Variants in TNRC6B observed in about 807,000 individuals in gnomAD.
TNRC6B encodes trinucleotide repeat-containing gene 6B protein.
Under a neutral mutation model 203.6 loss-of-function variants are expected in TNRC6B, and 52 were observed. The ratio of observed to expected loss-of-function variants is 0.26; its 90% CI spans 0.20 to 0.32. The LOEUF (loss-of-function observed/expected upper bound fraction) is 0.32. Ranked by LOEUF, TNRC6B falls within the 10% of genes least tolerant of loss-of-function variation. The pLI, the probability that TNRC6B is intolerant of heterozygous loss-of-function variation, is 1.00. For missense variants in TNRC6B, 1,923 were observed against 2,286.2 expected (o/e 0.84, Z 3.24); for synonymous variants, 838 against 845.7 (o/e 0.99, Z 0.16).
chr22:40,161,006 TGTAGGAGC>T (rs1019016015), intron 4 of TNRC6B, among the ~76,000 whole-genome samples: 3 of 152,186 alleles, frequency 2.0e-5, no homozygotes, highest in African/African-American at 7.2e-5. Context: ...TTTATAGCTT[TGTAGGAGC>T]CCTTTATACA....
At chr22:40,127,994 C>G (rs962454502) in intron 3 of TNRC6B, among the ~76,000 whole-genome samples, 1 of 152,202 alleles carries the variant, frequency 6.6e-6, no homozygotes, top group Non-Finnish European at 1.5e-5. Context: ...GTGCCATAAA[C>G]TCAGTTTTCA....
chr22:40,303,001 GGT>G (rs928396873), intron 15 of TNRC6B, among the ~76,000 whole-genome samples: 70 of 151,400 alleles, frequency 4.6e-4, no homozygotes, highest in African/African-American at 1.7e-3. Context: ...TACTAACAAA[GGT>G]GTCCTTATGC....
chr22:40,203,518 A>G (rs768445187), intron 1 of TNRC6B, among the ~76,000 whole-genome samples: 1 of 152,134 alleles, frequency 6.6e-6, no homozygotes, highest in Non-Finnish European at 1.5e-5. Context: ...GGAAAACTGA[A>G]GAAGGTAAAA....
In TNRC6B at chr22:40,330,494, T is replaced by A. The variant is rs1244568317; in HGVS notation, c.*7253T>A. ...ACATCCTATGTGTGTTCGCCAAAAA[T>A]GGGAAAGGTGGGTATTTAGGCAAAA... On this transcript the variant is annotated 3_prime_UTR_variant, in exon 23 of 23. Transcript: ENST00000454349. The A allele has an allele frequency of 1.3e-5, 2 of 152,296 alleles. No homozygotes were observed. Among genetic ancestry groups the A allele is most frequent in the Non-Finnish European group, 2.9e-5 (2 of 68,034 alleles). 9.4% of individuals were successfully genotyped at this position (152,296 alleles called of 1,614,324 possible). A position where few individuals can be genotyped will look rare whatever the true frequency, so the allele number is the denominator to read the frequency against.
At chr22:40,307,793 G>A (rs1249884038) in intron 15 of TNRC6B, among the ~76,000 whole-genome samples, 2 of 152,058 alleles carry the variant, frequency 1.3e-5, no homozygotes, top group Non-Finnish European at 1.5e-5. Flanking sequence ...CCCACACTCA[G>A]GCTGCCAATT....
At chr22:40,242,140 G>T (rs2070036859) in intron 1 of TNRC6B, among the ~76,000 whole-genome samples, 1 of 151,920 alleles carries the variant, frequency 6.6e-6, no homozygotes, top group Non-Finnish European at 1.5e-5. Flanking sequence ...GATATTGCTT[G>T]TTCTCCAGCC....
intron 1 of TNRC6B, among the ~76,000 whole-genome samples, chr22:40,201,736 A>G (rs1231958030): frequency 6.6e-6 from 1 of 151,996 alleles, no homozygotes; most frequent in African/African-American, 2.4e-5. Flanking sequence ...CCATTTTCAA[A>G]TACAGGTTGA....
At chr22:40,179,760 A>G (rs1213936242) in intron 1 of TNRC6B, among the ~76,000 whole-genome samples, 1 of 152,188 alleles carries the variant, frequency 6.6e-6, no homozygotes. Context: ...GGTGCTTTCA[A>G]AAGCTTTATT....
chr22:40,128,975 A>G (rs567321922), intron 3 of TNRC6B, among the ~76,000 whole-genome samples: 98 of 152,318 alleles, frequency 6.4e-4, no homozygotes, highest in African/African-American at 2.1e-3. Flanking sequence ...AGTACTATGA[A>G]AAAAATAAAG....
chr22:40,122,677 A>C (rs1173880017), intron 2 of TNRC6B, among the ~76,000 whole-genome samples: 1 of 152,190 alleles, frequency 6.6e-6, no homozygotes, highest in Non-Finnish European at 1.5e-5. Context: ...AGCCAGGAAG[A>C]AGCATTCCCC....
intron 4 of TNRC6B, among the ~76,000 whole-genome samples, chr22:40,171,219 T>C (rs2068994547): frequency 6.8e-6 from 1 of 146,982 alleles, no homozygotes; most frequent in African/African-American, 2.5e-5. Flanking sequence ...TGGAGTGCAG[T>C]GGCGCAATCT....
In TNRC6B at chr22:40,265,873, A is replaced by G; in HGVS notation, c.1643A>G (p.Glu548Gly). The change falls in exon 5 of 23, where the codon GAA (glutamate) becomes GGA (glycine). Residue 548 changes from glutamate (E) to glycine (G), a missense_variant. Transcript: ENST00000454349. Reference sequence around the variant, plus strand: ...AATCAAAAGGGCCACCCCCTCCCTGAAAACCAAGGCAATGCCCAGGCTCCC... The same window carrying G: ...AATCAAAAGGGCCACCCCCTCCCTGGAAACCAAGGCAATGCCCAGGCTCCC... ...WDNQKGHPLP[E>G]NQGNAQAPCW... 2.5e-6 allele frequency: 4 copies of G among 1,614,046 alleles called. No homozygotes were observed. The Admixed American group carries it at 6.7e-5, about 27-fold the overall frequency.
chr22:40,174,818 C>T (rs1469291569), upstream of TNRC6B, among the ~76,000 whole-genome samples: 2 of 148,350 alleles, frequency 1.3e-5, no homozygotes, highest in African/African-American at 5.0e-5. Flanking sequence ...AAGCGAGACT[C>T]CATCTCAAAA....
Position 40,228,207 on chromosome 22 carries a change from C to T in TNRC6B, c.6-17808C>T, listed in dbSNP as rs1476215341. ...CTTTGGGAGGCCGAGGCAGGCGGAT[C>T]GCCTGATGTTAGGAGATTGAGACCA... On this transcript the variant is annotated intron_variant, in intron 1 of 22. Transcript: ENST00000454349. 8.6e-5 allele frequency among the ~76,000 whole-genome samples: 13 copies of T among 151,990 alleles called. 1 individual carries two copies. Among genetic ancestry groups the T allele is most frequent in the Non-Finnish European group, 1.8e-4 (12 of 68,012 alleles).
intron 13 of TNRC6B, 21 bp downstream of exon 13, chr22:40,300,607 C>G: frequency 8.8e-6 from 14 of 1,586,510 alleles, no homozygotes; most frequent in Non-Finnish European, 1.2e-5. Flanking sequence ...GATTTTCTTC[C>G]TGTGGCTAAA....
At chr22:40,049,249 T>C (rs1373561773) in intron 1 of TNRC6B, among the ~76,000 whole-genome samples, 1 of 152,004 alleles carries the variant, frequency 6.6e-6, no homozygotes, top group Non-Finnish European at 1.5e-5. Flanking sequence ...TTTCACCATG[T>C]TGGCCAGGCT....
intron 9 of TNRC6B, 99 bp downstream of exon 9, chr22:40,278,143 A>T: frequency 1.1e-6 from 1 of 917,086 alleles, no homozygotes. Flanking sequence ...GCAGTTCAGT[A>T]GACATTGATT....
intron 3 of TNRC6B, among the ~76,000 whole-genome samples, chr22:40,128,545 G>A (rs893585426): frequency 2.7e-5 from 4 of 149,904 alleles, no homozygotes; most frequent in Non-Finnish European, 4.4e-5. Context: ...TATGATCACG[G>A]CTCACGGCTC....
chr22:40,254,135 G>T (rs986589978), intron 3 of TNRC6B, among the ~76,000 whole-genome samples: 1 of 152,118 alleles, frequency 6.6e-6, no homozygotes, highest in Non-Finnish European at 1.5e-5. Context: ...GAAGACATAG[G>T]CTAGAGCTGG....
Sources: gnomAD v4.1 joint callset for allele counts (sites outside exome capture counted in the v4.1 genomes callset) on GRCh38, gnomAD v4.1.1 for gene constraint, MANE v1.5 for transcripts, NCBI Gene and HGNC (gene_info 2026-07-23, HGNC 2026-07-21) for gene names.